Variants in DPP6 observed in about 807,000 individuals in gnomAD.
The protein encoded by DPP6 is A-type potassium channel modulatory protein DPP6.
Under a neutral mutation model 122.6 loss-of-function variants are expected in DPP6, and 69 were observed. That is an observed-to-expected ratio of 0.56 (90% CI 0.46 to 0.69). The LOEUF is 0.69. Among genes scored for constraint, DPP6 ranks in the 30% least tolerant of loss-of-function variants. DPP6 has a pLI of 0.00. For synonymous variants in DPP6, 418 were observed against 433.1 expected (o/e 0.97, Z 0.43); for missense variants, 928 against 1,116.9 (o/e 0.83, Z 2.41).
chr7:154,548,541 A>C (rs1829389281), intron 4 of DPP6, among the ~76,000 whole-genome samples: 1 of 152,006 alleles, frequency 6.6e-6, no homozygotes, highest in Non-Finnish European at 1.5e-5. Flanking sequence ...AAAAAAAAAA[A>C]AAATTCTGAA....
chr7:154,754,990 A>T (rs937110120), intron 8 of DPP6, among the ~76,000 whole-genome samples: 1 of 152,114 alleles, frequency 6.6e-6, no homozygotes, highest in African/African-American at 2.4e-5. Context: ...GTGGGCGGAA[A>T]GAAGAGGGAG....
At chr7:153,978,477 A>C (rs1044516681) in intron 1 of DPP6, among the ~76,000 whole-genome samples, 2 of 152,034 alleles carry the variant, frequency 1.3e-5, no homozygotes, top group East Asian at 3.9e-4. Flanking sequence ...TAGATTGCAA[A>C]AATTTTCTCC....
At chr7:154,391,726 C>A (rs184779366) in intron 1 of DPP6, among the ~76,000 whole-genome samples, 1 of 152,152 alleles carries the variant, frequency 6.6e-6, no homozygotes, top group African/African-American at 2.4e-5. Flanking sequence ...GTTGGTTCTT[C>A]CCAATGGTGA....
chr7:154,344,380 A>T (rs1176113887), intron 1 of DPP6, among the ~76,000 whole-genome samples: 1 of 152,190 alleles, frequency 6.6e-6, no homozygotes, highest in African/African-American at 2.4e-5. Flanking sequence ...ATCTCACCCC[A>T]GCTAAAATGG....
intron 1 of DPP6, among the ~76,000 whole-genome samples, chr7:153,918,398 C>A (rs1283236294): frequency 6.6e-6 from 1 of 151,508 alleles, no homozygotes; most frequent in African/African-American, 2.4e-5. Context: ...TTGACTATTT[C>A]TGCCAAGGCA....
intron 1 of DPP6, among the ~76,000 whole-genome samples, chr7:154,388,421 A>G (rs12703351): frequency 0.011 from 1,666 of 152,368 alleles, 19 homozygotes; most frequent in Middle Eastern, 0.027. Context: ...TTTAATCATC[A>G]GAATTACTTG....
intron 16 of DPP6, among the ~76,000 whole-genome samples, chr7:154,849,432 A>C (rs1042180551): frequency 1.3e-5 from 2 of 152,102 alleles, no homozygotes; most frequent in Admixed American, 6.6e-5. Context: ...TCTTGATGCC[A>C]TTGTAAATGG....
At chr7:154,718,215 G>A (rs2131331220) in intron 7 of DPP6, among the ~76,000 whole-genome samples, 1 of 152,234 alleles carries the variant, frequency 6.6e-6, no homozygotes, top group Middle Eastern at 3.4e-3. Context: ...TCTTCACTCT[G>A]TCGATTGTTT....
chr7:154,516,261 C>A (rs1230345142), intron 3 of DPP6, among the ~76,000 whole-genome samples: 1 of 125,586 alleles, frequency 8.0e-6, no homozygotes, highest in Non-Finnish European at 1.8e-5. Context: ...ACTCCGAACT[C>A]TGCTTTTTTT....
At chr7:153,830,914 G>T in the DPP6 span, among the ~76,000 whole-genome samples, 1 of 152,158 alleles carries the variant, frequency 6.6e-6, no homozygotes, top group Non-Finnish European at 1.5e-5. Context: ...TAAGCAAGCT[G>T]TTCTGCATTT....
At chr7:154,310,546 C>G (rs1475803827) in intron 1 of DPP6, among the ~76,000 whole-genome samples, 2 of 152,172 alleles carry the variant, frequency 1.3e-5, no homozygotes, top group Non-Finnish European at 2.9e-5. Context: ...AATGCTTTCT[C>G]TGTGCATTAA....
chr7:154,291,581 C>G (rs1451528431), intron 1 of DPP6, among the ~76,000 whole-genome samples: 1 of 152,194 alleles, frequency 6.6e-6, no homozygotes, highest in African/African-American at 2.4e-5. Context: ...TAGACTCTCT[C>G]TCCTGAGCTT....
At chr7:154,824,249 T>C (rs1563251802) in intron 16 of DPP6, among the ~76,000 whole-genome samples, 1 of 54,282 alleles carries the variant, frequency 1.8e-5, no homozygotes, top group Non-Finnish European at 4.8e-5. Context: ...AAGGAATGTT[T>C]TTGTTGTTGT....
At chr7:154,438,051 G>A (rs1391855364) in intron 1 of DPP6, among the ~76,000 whole-genome samples, 5 of 152,188 alleles carry the variant, frequency 3.3e-5, no homozygotes, top group Non-Finnish European at 5.9e-5. Flanking sequence ...AGACACAGGA[G>A]CATACCCCTC....
At chr7:153,805,465 T>C in the DPP6 span, among the ~76,000 whole-genome samples, 1 of 152,212 alleles carries the variant, frequency 6.6e-6, no homozygotes, top group Non-Finnish European at 1.5e-5. Flanking sequence ...TTTAAAATAC[T>C]TTCCTCCCAA....
intron 1 of DPP6, among the ~76,000 whole-genome samples, chr7:154,056,676 G>A (rs1800842627): frequency 6.6e-6 from 1 of 152,148 alleles, no homozygotes; most frequent in Admixed American, 6.5e-5. Context: ...CACCACCCAT[G>A]ATGTCCACCA....
rs570705564 is a variant in DPP6 at position 154,483,355 on chromosome 7, C to T, written c.457+8318C>T. ...TGAGTCATATTTAAATTGTTTATTTCTTTCTGTTAAAGGTAAACTGAGGCA... is the reference window on the plus strand; with the variant it reads ...TGAGTCATATTTAAATTGTTTATTTTTTTCTGTTAAAGGTAAACTGAGGCA... On this transcript the variant is annotated intron_variant, in intron 3 of 25. Coordinates refer to ENST00000377770, the MANE Select transcript of DPP6 (RefSeq NM_130797.4). This position sits in a 1 kb window ranked among gnomAD's most constrained non-coding sequence, Gnocchi z 8.1. 8.6e-5 allele frequency among the ~76,000 whole-genome samples: 13 copies of T among 151,384 alleles called. No individual in the cohort carries two copies. The highest frequency in any genetic ancestry group is 3.3e-4 in the Admixed American group (5 of 15,216).
At chr7:154,123,935 G>A (rs1358960567) in intron 1 of DPP6, among the ~76,000 whole-genome samples, 3 of 151,622 alleles carry the variant, frequency 2.0e-5, no homozygotes, top group Non-Finnish European at 2.9e-5. Flanking sequence ...TGCCCATGCC[G>A]GGGCTTACCT....
At chr7:154,655,231 C>T (rs535973314) in intron 6 of DPP6, among the ~76,000 whole-genome samples, 64 of 152,236 alleles carry the variant, frequency 4.2e-4, no homozygotes, top group Middle Eastern at 6.8e-3. Context: ...AATGCTGTTG[C>T]TGTTATAAAG....
Sources: gnomAD v4.1 joint callset for allele counts (sites outside exome capture counted in the v4.1 genomes callset) on GRCh38, gnomAD v4.1.1 for gene constraint, Gnocchi (gnomAD v3.1) non-coding constraint, MANE v1.5 for transcripts, NCBI Gene and HGNC (gene_info 2026-07-23, HGNC 2026-07-21) for gene names.